The following CTCF variants were observed in gnomAD, a reference collection of about 807,000 sequenced individuals.
CTCF encodes the protein CCCTC-binding factor, also known as transcriptional repressor CTCF.
In CTCF, 7 loss-of-function variants were observed where a neutral mutation model predicts 72.3. The ratio of observed to expected loss-of-function variants is 0.10; its 90% CI spans 0.06 to 0.18. The LOEUF is 0.18. CTCF is among the 10% of genes least tolerant of loss of function. The pLI is 1.00. For missense variants in CTCF, 516 were observed against 949.1 expected, an observed-to-expected ratio of 0.54 and a Z score of 6.00; for synonymous variants, 374 against 315.8, an observed-to-expected ratio of 1.18 and a Z score of -1.95.
chr16:67,613,411 A>G (rs1418199752), intron 4 of CTCF, among the ~76,000 whole-genome samples: 1 of 152,240 alleles, frequency 6.6e-6, no homozygotes, highest in Non-Finnish European at 1.5e-5. Context: ...AATGTGACTT[A>G]CTTTTAAACA....
chr16:67,615,612 TCAAAAA>T (rs954414295), intron 4 of CTCF: 8 of 152,132 alleles, frequency 5.3e-5, no homozygotes, highest in African/African-American at 1.9e-4. Flanking sequence ...AGACCCTGGC[TCAAAAA>T]CAAAAAACGA....
In CTCF at chr16:67,638,361, G is replaced by A. The variant is rs2052461487; in HGVS notation, c.*489G>A. 4.4e-6 allele frequency: 1 copy of A among 226,698 alleles called. No individual in the cohort carries two copies. The highest frequency in any genetic ancestry group is 8.8e-6 in the Non-Finnish European group (1 of 114,060). 14.0% of individuals were successfully genotyped at this position (226,698 alleles called of 1,614,324 possible). On this transcript the variant is annotated 3_prime_UTR_variant, in exon 12 of 12. Coordinates refer to ENST00000264010, the MANE Select transcript of CTCF (RefSeq NM_006565.4). Reference sequence around the variant, plus strand: ...GCACACCAGTAGTATGGCATGCTACGATCAGGTTCTGTCCTGAAAGCTTTG... The same window carrying A: ...GCACACCAGTAGTATGGCATGCTACAATCAGGTTCTGTCCTGAAAGCTTTG...
intron 2 of CTCF, among the ~76,000 whole-genome samples, chr16:67,603,922 A>G (rs2051933974): frequency 6.6e-6 from 1 of 151,710 alleles, no homozygotes; most frequent in Admixed American, 6.6e-5. Flanking sequence ...TGAGCCCAGG[A>G]GTTCGAGACC....
intron 10 of CTCF, chr16:67,635,611 TC>T (rs1454799857): frequency 1.3e-5 from 2 of 152,406 alleles, no homozygotes; most frequent in Non-Finnish European, 2.9e-5. Context: ...TGCCTCAGCC[TC>T]CCGAGTAGCT....
intron 2 of CTCF, among the ~76,000 whole-genome samples, chr16:67,608,938 T>C (rs1453599061): frequency 6.6e-6 from 1 of 152,062 alleles, no homozygotes; most frequent in Non-Finnish European, 1.5e-5. Flanking sequence ...ACGGGGTTTC[T>C]CCATGTTGTT....
chr16:67,633,217 C>A (rs574170448), intron 10 of CTCF, among the ~76,000 whole-genome samples: 2 of 152,036 alleles, frequency 1.3e-5, no homozygotes, highest in South Asian at 2.1e-4. Context: ...CTATAGGTTA[C>A]GGAGCAGGAT....
At chr16:67,571,757 AT>A (rs2142716050) in intron 2 of CTCF, among the ~76,000 whole-genome samples, 1 of 152,296 alleles carries the variant, frequency 6.6e-6, no homozygotes, top group South Asian at 2.1e-4. Flanking sequence ...CTGGATAAAA[AT>A]TGTCTTAATT....
At chr16:67,626,087 A>G (rs891689330) in intron 7 of CTCF, among the ~76,000 whole-genome samples, 9 of 151,796 alleles carry the variant, frequency 5.9e-5, no homozygotes, top group African/African-American at 2.2e-4. Context: ...TTCTCCCTGC[A>G]CCTGTTACTC....
intron 2 of CTCF, among the ~76,000 whole-genome samples, chr16:67,603,357 G>A (rs1260244587): frequency 4.0e-5 from 6 of 151,754 alleles, no homozygotes; most frequent in South Asian, 2.1e-4. Flanking sequence ...GTGAAACCCC[G>A]TCCCTACTAA....
intron 6 of CTCF, 21 bp downstream of exon 6, chr16:67,620,838 A>T (rs754517063): frequency 6.4e-7 from 1 of 1,554,542 alleles, no homozygotes; most frequent in Non-Finnish European, 8.8e-7. Context: ...TCCACTCCTT[A>T]CTGTATTAAT....
intron 2 of CTCF, among the ~76,000 whole-genome samples, chr16:67,608,349 C>A (rs78540846): frequency 6.6e-6 from 1 of 150,828 alleles, no homozygotes; most frequent in Non-Finnish European, 1.5e-5. Flanking sequence ...AAAAAAAAAA[C>A]GACTTGTTAG....
chr16:67,598,164 A>T (rs768251815), intron 2 of CTCF, among the ~76,000 whole-genome samples: 25 of 151,978 alleles, frequency 1.6e-4, no homozygotes, highest in Admixed American at 6.6e-5. Context: ...TTTTGTAGAG[A>T]TGGTGTCCTA....
At chr16:67,617,980 AT>A (rs2052155031) in intron 5 of CTCF, among the ~76,000 whole-genome samples, 1 of 152,238 alleles carries the variant, frequency 6.6e-6, no homozygotes, top group African/African-American at 2.4e-5. Flanking sequence ...GAAATTGCTG[AT>A]GTATATTACA....
At chr16:67,585,330 G>A (rs574626168) in intron 2 of CTCF, among the ~76,000 whole-genome samples, 1 of 152,176 alleles carries the variant, frequency 6.6e-6, no homozygotes, top group East Asian at 1.9e-4. Flanking sequence ...GATTACAGGC[G>A]TGAGCCACCG....
Position 67,624,113 on chromosome 16 carries a change from G to GTGTA in CTCF, c.1358-2438_1358-2435dup, listed in dbSNP as rs1409272856. Among the ~76,000 whole-genome samples, 47 of 132,592 alleles carry GTGTA rather than the reference G, an allele frequency of 3.5e-4. 1 individual carries two copies. Among genetic ancestry groups the GTGTA allele is most frequent in the African/African-American group, 1.4e-3 (46 of 31,926 alleles). The allele number at this position is 132,592 out of a possible 152,430, so 87.0% of individuals were successfully genotyped here. A position where few individuals can be genotyped will look rare whatever the true frequency, so the allele number is the denominator to read the frequency against. On this transcript the variant is annotated intron_variant, in intron 7 of 11. Transcript: ENST00000264010. The stretch of plus-strand genomic sequence containing the variant: ...TGTGTGTGTGTGTGTGTGTGTGTGT[G>GTGTA]TGTATGTGTGTGTATATATATGTGT...
intron 2 of CTCF, among the ~76,000 whole-genome samples, chr16:67,587,390 C>G (rs9941171): frequency 0.044 from 6,659 of 152,112 alleles, 481 homozygotes; most frequent in African/African-American, 0.15. Context: ...CTTTACAGGA[C>G]AACCCCTTTA....
intron 2 of CTCF, among the ~76,000 whole-genome samples, chr16:67,601,862 C>CA (rs1464887360): frequency 7.1e-6 from 1 of 140,350 alleles, no homozygotes; most frequent in Non-Finnish European, 1.6e-5. Context: ...TGTTTACAAG[C>CA]AATTTTTTTT....
At position 67,629,503 on chromosome 16, in the gene CTCF, C is replaced by T. The variant is rs775874494; in HGVS notation, c.1807C>T (p.Arg603Cys). The T allele has an allele frequency of 5.0e-6, 8 of 1,613,214 alleles. No individual in the cohort carries two copies. Among genetic ancestry groups the T allele is most frequent in the East Asian group, 2.2e-5 (1 of 44,832 alleles). ...KSKRGRKRKM[R>C]SKKEDSSDSE... ...TAAACGTGGAAGAAAAAGAAAGATG[C>T]GCTCTAAGAAAGAAGATTCCTCTGA... The change falls in exon 10 of 12, where the codon CGC (arginine) becomes TGC (cysteine). Residue 603 changes from arginine (R) to cysteine (C), a missense_variant. Physicochemically the swap from Arg to Cys is radical, Grantham distance 180. Around this residue, in one of 7 missense-constraint regions of CTCF, gnomAD observed 157 missense variants for 172.9 expected, o/e 0.91. Coordinates refer to ENST00000264010, the MANE Select transcript of CTCF (RefSeq NM_006565.4).
At chr16:67,578,141 C>T (rs1015813632) in intron 2 of CTCF, among the ~76,000 whole-genome samples, 4 of 152,022 alleles carry the variant, frequency 2.6e-5, no homozygotes, top group Admixed American at 2.0e-4. Flanking sequence ...CTGTAACCAC[C>T]ACATTTAATG....
Sources: allele counts gnomAD v4.1 joint callset (sites outside exome capture counted in the v4.1 genomes callset), GRCh38; gene constraint gnomAD v4.1.1; regional missense constraint gnomAD v4.1.1; transcripts MANE v1.5; gene names NCBI Gene and HGNC (gene_info 2026-07-23, HGNC 2026-07-21).